The following ELAPOR2 variants were observed in gnomAD, a reference collection of about 807,000 sequenced individuals.
The protein encoded by ELAPOR2 is endosome-lysosome associated apoptosis and autophagy regulator family member 2.
Under a neutral mutation model 120.7 loss-of-function variants are expected in ELAPOR2, and 89 were observed. The observed-to-expected ratio is 0.74, with a 90% CI of 0.62 to 0.88. The LOEUF (loss-of-function observed/expected upper bound fraction) is 0.88. Ranked by LOEUF, ELAPOR2 falls within the 40% of genes least tolerant of loss-of-function variation. ELAPOR2 has a pLI of 0.00. For synonymous variants in ELAPOR2, 444 were observed against 444.9 expected, an observed-to-expected ratio of 1.00 and a Z score of 0.03; for missense variants, 1,134 against 1,251.6, an observed-to-expected ratio of 0.91 and a Z score of 1.42.
chr7:87,026,922 A>G (rs1375711508), intron 1 of ELAPOR2, among the ~76,000 whole-genome samples: 2 of 152,138 alleles, frequency 1.3e-5, no homozygotes, highest in African/African-American at 2.4e-5. Flanking sequence ...ATACCCAGAA[A>G]TTAGCTGAAA....
chr7:86,945,554 AT>A (rs1790964899), intron 3 of ELAPOR2, among the ~76,000 whole-genome samples: 1 of 152,216 alleles, frequency 6.6e-6, no homozygotes, highest in Admixed American at 6.5e-5. Context: ...TTGTAAGGTT[AT>A]TTTAAAAGCA....
intron 2 of ELAPOR2, among the ~76,000 whole-genome samples, chr7:86,954,025 G>T (rs1274777757): frequency 6.6e-6 from 1 of 152,120 alleles, no homozygotes; most frequent in Non-Finnish European, 1.5e-5. Context: ...GTTTAAATAT[G>T]CAGGTGTGAA....
chr7:86,928,277 C>G (rs1487858479), intron 8 of ELAPOR2, among the ~76,000 whole-genome samples: 4 of 151,924 alleles, frequency 2.6e-5, no homozygotes, highest in Non-Finnish European at 1.5e-5. Context: ...GGGCTCTCAA[C>G]TCCCCTTAAG....
intron 2 of ELAPOR2, 46 bp from the exon 3 acceptor site, chr7:86,947,968 A>G (rs1333402421): frequency 1.5e-6 from 2 of 1,313,914 alleles, no homozygotes; most frequent in South Asian, 1.3e-5. Context: ...CCTCCCATCA[A>G]TTTCCTCCCC....
intron 2 of ELAPOR2, among the ~76,000 whole-genome samples, chr7:86,949,450 T>G (rs941367622): frequency 7.9e-5 from 12 of 152,068 alleles, no homozygotes; most frequent in African/African-American, 2.9e-4. Context: ...ATGGAGCCAT[T>G]GGGGCGGGAG....
chr7:86,948,618 A>G (rs894959951), intron 2 of ELAPOR2, among the ~76,000 whole-genome samples: 1 of 152,032 alleles, frequency 6.6e-6, no homozygotes, highest in African/African-American at 2.4e-5. Flanking sequence ...TATTCACACC[A>G]ACCTAGTCAT....
intron 1 of ELAPOR2, among the ~76,000 whole-genome samples, chr7:87,013,266 A>G (rs765330191): frequency 1.3e-4 from 20 of 152,318 alleles, no homozygotes; most frequent in Non-Finnish European, 2.4e-4. Flanking sequence ...CAAAAGCTCT[A>G]GCACTATAAA....
At chr7:86,988,114 G>T (rs763677107) in intron 1 of ELAPOR2, among the ~76,000 whole-genome samples, 10 of 152,086 alleles carry the variant, frequency 6.6e-5, no homozygotes, top group Non-Finnish European at 1.3e-4. Context: ...ACCAAACACC[G>T]CATGTTCTCA....
In ELAPOR2 at chr7:86,975,436, T is replaced by A. The variant is rs922952252; in HGVS notation, c.190-10412A>T. Among the ~76,000 whole-genome samples the A allele has an allele frequency of 2.9e-4, 44 of 152,312 alleles. 1 individual carries two copies. The highest frequency in any genetic ancestry group is 1.2e-3 in the East Asian group (6 of 5,188). ...GAATCTCTTAAATCAATAGATTTTTTAAAAAATAATAATGTAACCCTAATA... is the reference window on the plus strand; with the variant it reads ...GAATCTCTTAAATCAATAGATTTTTAAAAAAATAATAATGTAACCCTAATA... On this transcript the variant is annotated intron_variant, in intron 1 of 21. Coordinates refer to ENST00000450689, the MANE Select transcript of ELAPOR2 (RefSeq NM_001142749.3).
chr7:86,925,763 GA>G, intron 9 of ELAPOR2, 107 bp from the exon 10 acceptor site: 38 of 1,016,970 alleles, frequency 3.7e-5, no homozygotes, highest in East Asian at 7.6e-5. Context: ...GAGAGAAGTG[GA>G]AAAAAAAGAT....
rs555547892 is a variant in ELAPOR2, at chr7:86,988,630, C to T, written c.190-23606G>A. Among the ~76,000 whole-genome samples, 74 of 152,278 alleles carry T rather than the reference C, an allele frequency of 4.9e-4. 1 individual carries two copies. Among genetic ancestry groups the T allele is most frequent in the Non-Finnish European group, 9.1e-4 (62 of 68,006 alleles). ...AACAAGTGTATCCTAGGCAGTACAA[C>T]GATCATAGTAACTGCCATTACTCCT... On this transcript the variant is annotated intron_variant, in intron 1 of 21. Coordinates refer to ENST00000450689, the MANE Select transcript of ELAPOR2 (RefSeq NM_001142749.3).
At chr7:87,041,022 G>T (rs1396389786) in intron 1 of ELAPOR2, among the ~76,000 whole-genome samples, 3 of 152,110 alleles carry the variant, frequency 2.0e-5, no homozygotes, top group Non-Finnish European at 4.4e-5. Context: ...AGCGATGGAA[G>T]ATGAAATGAA....
rs781422707 is a variant in ELAPOR2, at chr7:86,891,868, C to T, written c.2886G>A (p.Lys962=). The change falls in exon 21 of 22, where the codon AAG becomes AAA. Residue 962 remains lysine, a synonymous_variant. Coordinates refer to ENST00000450689, the MANE Select transcript of ELAPOR2 (RefSeq NM_001142749.3). ...KNQKLEYKYS[K]LVMTTNSKEC... Reference sequence around the variant, plus strand: ...CTTTTGAGTTAGTCGTCATTACTAACTTGGAATATTTGTATTCCAGTCTAA... The same window carrying T: ...CTTTTGAGTTAGTCGTCATTACTAATTTGGAATATTTGTATTCCAGTCTAA... The T allele has an allele frequency of 1.2e-6, 2 of 1,605,620 alleles. No individual in the cohort carries two copies. Among genetic ancestry groups the T allele is most frequent in the Admixed American group, 3.4e-5 (2 of 59,284 alleles).
Position 86,918,156 on chromosome 7 carries a change from A to ATTT in ELAPOR2, c.1593+283_1593+285dup, listed in dbSNP as rs111741296. Among the ~76,000 whole-genome samples, 91 of 147,832 alleles carry ATTT rather than the reference A, an allele frequency of 6.2e-4. No homozygotes were observed. The East Asian group carries it at 0.015, about 24-fold the overall frequency. ...CTGCTGGTGACGTTTTTATGAAGGA[A>ATTT]TTTTTTTTTTTACCAGATTAATATT... On this transcript the variant is annotated intron_variant, in intron 12 of 21. Transcript: ENST00000450689.
chr7:86,892,277 T>C (rs138547079), intron 20 of ELAPOR2, among the ~76,000 whole-genome samples: 3 of 152,160 alleles, frequency 2.0e-5, no homozygotes, highest in Admixed American at 2.0e-4. Flanking sequence ...AGGCAAGTAA[T>C]TTGGTCTTTA....
chr7:86,903,619 A>C (rs925543752), intron 18 of ELAPOR2, among the ~76,000 whole-genome samples: 1 of 152,206 alleles, frequency 6.6e-6, no homozygotes, highest in African/African-American at 2.4e-5. Flanking sequence ...TCTAAATTGG[A>C]ATCTGTGAAA....
At position 86,877,016 on chromosome 7, in the gene ELAPOR2, A is replaced by G. The variant is rs998688129; in HGVS notation, c.*3455T>C. On this transcript the variant is annotated 3_prime_UTR_variant, in exon 22 of 22. Coordinates refer to ENST00000450689, the MANE Select transcript of ELAPOR2 (RefSeq NM_001142749.3). ...TGGCAGAGTTGAGTAAATGCAATAG[A>G]GCCCACATGCCCTGCAAAGCCAAAA... is the stretch of plus-strand genomic sequence containing the variant. 1.1e-4 allele frequency: 17 copies of G among 152,174 alleles called. No individual in the cohort carries two copies. Among genetic ancestry groups the G allele is most frequent in the Admixed American group, 1.1e-3 (17 of 15,260 alleles). The allele number at this position is 152,174 out of a possible 1,614,324, so 9.4% of individuals were successfully genotyped here. A position where few individuals can be genotyped will look rare whatever the true frequency, so the allele number is the denominator to read the frequency against.
intron 1 of ELAPOR2, among the ~76,000 whole-genome samples, chr7:86,996,877 C>T (rs886937513): frequency 7.9e-5 from 12 of 152,236 alleles, no homozygotes; most frequent in Admixed American, 4.6e-4. Flanking sequence ...GAAGGTAGAA[C>T]AGAGAGAAGC....
rs762937433 is a variant in ELAPOR2, at chr7:86,964,958, T to C, written c.256A>G (p.Asn86Asp). The C allele has an allele frequency of 1.5e-5, 24 of 1,551,488 alleles. No homozygotes were observed. The highest frequency in any genetic ancestry group is 4.1e-5 in the African/African-American group (3 of 73,042). The change falls in exon 2 of 22, where the codon AAT becomes GAT. Residue 86 changes from asparagine to aspartate, a missense_variant. Around this residue, in one of 3 missense-constraint regions of ELAPOR2, gnomAD observed 280 missense variants for 331.5 expected, o/e 0.84. Transcript: ENST00000450689. ...SGSRWRVAIP[N>D]SAVDCSGLPD... ...AGGCCAGAGCAGTCCACTGCAGAAT[T>C]TGGAATGGCAACTCTCCACCTGGAG...
Sources: allele counts gnomAD v4.1 joint callset (sites outside exome capture counted in the v4.1 genomes callset), GRCh38; gene constraint gnomAD v4.1.1; regional missense constraint gnomAD v4.1.1; transcripts MANE v1.5; gene names NCBI Gene and HGNC (gene_info 2026-07-23, HGNC 2026-07-21).